The following HTR4 variants were observed in gnomAD, a reference collection of about 807,000 sequenced individuals.
HTR4 encodes 5-hydroxytryptamine (serotonin) receptor 4, G protein-coupled.
Under a neutral mutation model 36.8 loss-of-function variants are expected in HTR4, and 16 were observed. The observed-to-expected ratio is 0.43, with a 90% CI of 0.29 to 0.66. The LOEUF is 0.66. HTR4 is among the 30% of genes least tolerant of loss of function. The pLI, the probability that HTR4 is intolerant of heterozygous loss-of-function variation, is 0.13. For missense variants in HTR4, 438 were observed against 490.9 expected, an observed-to-expected ratio of 0.89 and a Z score of 1.02; for synonymous variants, 189 against 185.1, an observed-to-expected ratio of 1.02 and a Z score of -0.17.
At chr5:148,561,000 G>C (rs906022383) in intron 2 of HTR4, among the ~76,000 whole-genome samples, 1 of 152,110 alleles carries the variant, frequency 6.6e-6, no homozygotes, top group Admixed American at 6.6e-5. Context: ...AATAAACCTT[G>C]TAGGATGGAA....
intron 5 of HTR4, among the ~76,000 whole-genome samples, chr5:148,518,828 A>C (rs543513749): frequency 2.0e-5 from 3 of 152,178 alleles, no homozygotes; most frequent in African/African-American, 2.4e-5. Context: ...TAGTGCTTAC[A>C]TGACTTACTT....
rs111638776 is a variant in HTR4, at chr5:148,467,932, C to T, written c.1077-16660G>A. Among the ~76,000 whole-genome samples the T allele has an allele frequency of 7.0e-4, 106 of 152,342 alleles. 1 individual carries two copies. Among genetic ancestry groups the T allele is most frequent in the African/African-American group, 2.4e-3 (98 of 41,588 alleles). On this transcript the variant is annotated intron_variant, in intron 5 of 5. Coordinates refer to the HTR4 transcript ENST00000521530. ...GTTGGTATGGTGAAAAGGAGTGTTA[C>T]ACATTTCCCCCAAACCCCACTTCCC... is the stretch of plus-strand genomic sequence containing the variant.
intron 4 of HTR4, among the ~76,000 whole-genome samples, chr5:148,531,759 C>T (rs540491771): frequency 3.3e-4 from 50 of 152,234 alleles, no homozygotes; most frequent in Non-Finnish European, 6.2e-4. Flanking sequence ...AAATTTCTAT[C>T]TAATTCTTTT....
At chr5:148,634,825 T>A (rs1399458824) in intron 2 of HTR4, among the ~76,000 whole-genome samples, 1 of 152,144 alleles carries the variant, frequency 6.6e-6, no homozygotes, top group Admixed American at 6.6e-5. Context: ...AGTAAAAGGA[T>A]TCTTTTCCTG....
chr5:148,632,060 T>G (rs1259378900), intron 2 of HTR4, among the ~76,000 whole-genome samples: 1 of 152,118 alleles, frequency 6.6e-6, no homozygotes, highest in Non-Finnish European at 1.5e-5. Context: ...CCCTGGAAAA[T>G]TCTTCTTTCT....
At chr5:148,470,458 C>A (rs1581345474) in intron 5 of HTR4, among the ~76,000 whole-genome samples, 1 of 152,284 alleles carries the variant, frequency 6.6e-6, no homozygotes, top group South Asian at 2.1e-4. Context: ...TTAGAGTTAG[C>A]AAACTTTTTC....
intron 6 of HTR4, among the ~76,000 whole-genome samples, chr5:148,509,162 T>C (rs542277432): frequency 2.3e-4 from 35 of 152,334 alleles, no homozygotes; most frequent in Admixed American, 3.3e-4. Flanking sequence ...GATGTAGATA[T>C]AGTGATTATT....
At chr5:148,500,178 G>A (rs1431200481) in intron 6 of HTR4, among the ~76,000 whole-genome samples, 1 of 152,182 alleles carries the variant, frequency 6.6e-6, no homozygotes, top group African/African-American at 2.4e-5. Context: ...CCTATATGGG[G>A]TTGTCAAGGA....
chr5:148,653,001 G>A (rs1252269014), intron 1 of HTR4, among the ~76,000 whole-genome samples: 1 of 151,914 alleles, frequency 6.6e-6, no homozygotes, highest in Non-Finnish European at 1.5e-5. Context: ...CACCACCCAC[G>A]TCCTTTTCCT....
intron 4 of HTR4, among the ~76,000 whole-genome samples, chr5:148,533,732 A>T (rs143133728): frequency 6.6e-6 from 1 of 152,314 alleles, no homozygotes; most frequent in Non-Finnish European, 1.5e-5. Context: ...TCAGTTACTA[A>T]CCTCAAGAAG....
intron 1 of HTR4, among the ~76,000 whole-genome samples, chr5:148,647,267 T>G (rs908092897): frequency 1.3e-5 from 2 of 152,222 alleles, no homozygotes; most frequent in Non-Finnish European, 2.9e-5. Flanking sequence ...TTTGAAATGT[T>G]GAGAAGGAAG....
intron 2 of HTR4, among the ~76,000 whole-genome samples, chr5:148,633,453 A>G (rs893033765): frequency 2.0e-5 from 3 of 151,776 alleles, no homozygotes; most frequent in African/African-American, 7.3e-5. Flanking sequence ...ATATGTATAC[A>G]TGTGCCATGC....
chr5:148,465,577 C>CCAT (rs1755405478), intron 5 of HTR4, among the ~76,000 whole-genome samples: 2 of 152,106 alleles, frequency 1.3e-5, no homozygotes, highest in Admixed American at 1.3e-4. Context: ...GATTTCAGCT[C>CCAT]CATCGCAGTG....
chr5:148,469,399 C>CATA (rs1168825544), intron 5 of HTR4, among the ~76,000 whole-genome samples: 1 of 152,194 alleles, frequency 6.6e-6, no homozygotes, highest in Non-Finnish European at 1.5e-5. Context: ...TGAGTCTTGC[C>CATA]ATAGCCTTTG....
intron 2 of HTR4, among the ~76,000 whole-genome samples, chr5:148,609,322 TCTTC>T (rs1479350581): frequency 6.6e-6 from 1 of 152,200 alleles, no homozygotes; most frequent in East Asian, 1.9e-4. Context: ...GGGTATCTTC[TCTTC>T]CTTCAGTCAA....
intron 1 of HTR4, among the ~76,000 whole-genome samples, chr5:148,642,612 C>A (rs1016348063): frequency 1.3e-5 from 2 of 152,070 alleles, no homozygotes; most frequent in African/African-American, 2.4e-5. Flanking sequence ...AGCAAACAAC[C>A]CACAAGCAGT....
intron 2 of HTR4, among the ~76,000 whole-genome samples, chr5:148,635,321 AG>A (rs1436319133): frequency 1.3e-5 from 2 of 152,170 alleles, no homozygotes; most frequent in African/African-American, 4.8e-5. Context: ...AGAGGACATG[AG>A]GGAAAGTCTG....
intron 2 of HTR4, among the ~76,000 whole-genome samples, chr5:148,597,052 A>G (rs1030963302): frequency 6.6e-6 from 1 of 152,148 alleles, no homozygotes; most frequent in Non-Finnish European, 1.5e-5. Context: ...CAGTGTATAC[A>G]AATTCTACCC....
chr5:148,642,651 C>A (rs1312266171), intron 1 of HTR4, among the ~76,000 whole-genome samples: 1 of 152,102 alleles, frequency 6.6e-6, no homozygotes, highest in African/African-American at 2.4e-5. Flanking sequence ...ATCGTGATTT[C>A]CTAGTACTCC....
Sources: allele counts gnomAD v4.1 joint callset (sites outside exome capture counted in the v4.1 genomes callset), GRCh38; gene constraint gnomAD v4.1.1; transcripts MANE v1.5; gene names NCBI Gene and HGNC (gene_info 2026-07-23, HGNC 2026-07-21).